Variants in WDR49 observed in about 807,000 individuals in gnomAD.
WDR49 encodes the protein cilia- and flagella-associated protein 337.
A neutral mutation model predicts 119.5 loss-of-function variants in WDR49; 107 were observed. The observed-to-expected ratio is 0.90, with a 90% CI of 0.77 to 1.05. WDR49 has a LOEUF of 1.05. Among genes scored for constraint, WDR49 ranks in the 50% least tolerant of loss-of-function variants. WDR49 has a pLI of 0.00. For missense variants in WDR49, 1,240 were observed against 1,220.5 expected (o/e 1.02, Z -0.24); for synonymous variants, 425 against 418.8 (o/e 1.01, Z -0.18).
intron 5 of WDR49, among the ~76,000 whole-genome samples, chr3:167,608,354 A>C (rs115843042): frequency 6.6e-6 from 1 of 152,346 alleles, no homozygotes; most frequent in African/African-American, 2.4e-5. Context: ...TTACTTCGTC[A>C]TGTGTTTCCC....
chr3:167,481,051 A>T (rs924630702), intron 18 of WDR49, among the ~76,000 whole-genome samples: 3 of 138,700 alleles, frequency 2.2e-5, no homozygotes, highest in Admixed American at 2.1e-4. Flanking sequence ...TCAAGGATTT[A>T]CCACATATTT....
chr3:167,519,360 C>G (rs535670257), intron 16 of WDR49, among the ~76,000 whole-genome samples: 1 of 152,256 alleles, frequency 6.6e-6, no homozygotes, highest in South Asian at 2.1e-4. Context: ...CAGCACTATT[C>G]ACAATAGCCA....
At chr3:167,604,194 G>T in intron 6 of WDR49, 107 bp downstream of exon 6, 1 of 1,283,468 alleles carries the variant, frequency 7.8e-7, no homozygotes. Context: ...TCTCGAGATG[G>T]TCTCTATAGC....
intron 2 of WDR49, among the ~76,000 whole-genome samples, chr3:167,649,626 T>C (rs956304559): frequency 2.0e-5 from 3 of 152,310 alleles, no homozygotes; most frequent in Admixed American, 2.0e-4. Flanking sequence ...ATAAGTGCAT[T>C]GTGTTTAGAT....
chr3:167,553,644 C>A (rs562638581), intron 10 of WDR49, among the ~76,000 whole-genome samples: 1 of 151,998 alleles, frequency 6.6e-6, no homozygotes, highest in Non-Finnish European at 1.5e-5. Flanking sequence ...CTAAGTATAG[C>A]GATCATTAGA....
intron 18 of WDR49, among the ~76,000 whole-genome samples, chr3:167,498,979 T>C (rs1003148053): frequency 1.3e-5 from 2 of 152,316 alleles, no homozygotes; most frequent in African/African-American, 4.8e-5. Flanking sequence ...TGGAGTATCA[T>C]TTTCTGAGCC....
At position 167,522,363 on chromosome 3, in the gene WDR49, G is replaced by C. The variant is rs199917200; in HGVS notation, c.2726C>G (p.Thr909Arg). The C allele has an allele frequency of 7.6e-5, 122 of 1,604,970 alleles. 1 individual carries two copies. Among genetic ancestry groups the C allele is most frequent in the Non-Finnish European group, 9.6e-5 (113 of 1,177,870 alleles). The change falls in exon 16 of 19, where the codon ACA (threonine) becomes AGA (arginine). Residue 909 changes from threonine (T) to arginine (R), a missense_variant. Transcript: ENST00000682715. ...TTTCTTATTAAGTAGAGAATGTTCT[G>C]TTGGGTCTAAACAAGATTCCTCCTT... ...FSKEESCLDP[T>R]EHSLLNKKNK...
At position 167,505,389 on chromosome 3, in the gene WDR49, T is replaced by G; in HGVS notation, c.2802A>C (p.Leu934Phe). Reference sequence around the variant, plus strand: ...TACTTCTTTCCTTATATTTTATATCTAAATTTATATCTTCTGATGGTCTGA... The same window carrying G: ...TACTTCTTTCCTTATATTTTATATCGAAATTTATATCTTCTGATGGTCTGA... ...YNVRPSEDIN[L>F]DIKYKERSTC... Residue 934 changes from leucine (L) to phenylalanine (F), a missense_variant, in exon 17 of 19, where the codon TTA (leucine) becomes TTC (phenylalanine). Transcript: ENST00000682715. The G allele has an allele frequency of 6.6e-7, 1 of 1,525,762 alleles. No homozygotes were observed. Among genetic ancestry groups the G allele is most frequent in the Non-Finnish European group, 8.7e-7 (1 of 1,145,690 alleles). The allele number at this position is 1,525,762 out of a possible 1,614,324, so 94.5% of individuals were successfully genotyped here. A position where few individuals can be genotyped will look rare whatever the true frequency, so the allele number is the denominator to read the frequency against.
At chr3:167,651,085 A>G (rs1305822099) in intron 2 of WDR49, among the ~76,000 whole-genome samples, 1 of 152,190 alleles carries the variant, frequency 6.6e-6, no homozygotes, top group Non-Finnish European at 1.5e-5. Flanking sequence ...ATGGTATGTG[A>G]TATTTTATTC....
intron 5 of WDR49, among the ~76,000 whole-genome samples, chr3:167,616,766 TAC>T (rs1716615221): frequency 6.6e-6 from 1 of 152,028 alleles, no homozygotes; most frequent in Non-Finnish European, 1.5e-5. Context: ...TACACACATA[TAC>T]ACACACCCCA....
chr3:167,510,155 C>T (rs1019190347), intron 16 of WDR49, among the ~76,000 whole-genome samples: 7 of 152,056 alleles, frequency 4.6e-5, no homozygotes, highest in Admixed American at 3.3e-4. Context: ...GAGGCCGAGG[C>T]GGGCAGATCA....
intron 7 of WDR49, among the ~76,000 whole-genome samples, chr3:167,578,412 CA>C (rs1469844451): frequency 6.6e-6 from 1 of 151,864 alleles, no homozygotes; most frequent in Non-Finnish European, 1.5e-5. Flanking sequence ...GATTTTTTTC[CA>C]CAACACTAAA....
At chr3:167,644,500 A>G (rs1718028049) in intron 2 of WDR49, among the ~76,000 whole-genome samples, 1 of 152,156 alleles carries the variant, frequency 6.6e-6, no homozygotes, top group Non-Finnish European at 1.5e-5. Context: ...AATCTTGGGC[A>G]ATCTTACATA....
intron 7 of WDR49, among the ~76,000 whole-genome samples, chr3:167,587,588 T>G (rs913277751): frequency 2.6e-5 from 4 of 152,108 alleles, no homozygotes; most frequent in African/African-American, 9.7e-5. Flanking sequence ...CAGGCTTAGA[T>G]GATTGCCCTA....
At chr3:167,560,655 C>A (rs2108270522) in intron 8 of WDR49, among the ~76,000 whole-genome samples, 1 of 152,242 alleles carries the variant, frequency 6.6e-6, no homozygotes, top group African/African-American at 2.4e-5. Flanking sequence ...GCTCTACCAG[C>A]CATTATGGAA....
rs541129354 is a variant in WDR49 at position 167,478,811 on chromosome 3, A to C, written c.*67T>G. 235 of 1,141,942 alleles carry C rather than the reference A, an allele frequency of 2.1e-4. No homozygotes were observed. Among genetic ancestry groups the C allele is most frequent in the Middle Eastern group, 1.6e-3 (6 of 3,708 alleles). 70.7% of individuals were successfully genotyped at this position (1,141,942 alleles called of 1,614,324 possible). On this transcript the variant is annotated 3_prime_UTR_variant, in exon 19 of 19. Coordinates refer to ENST00000682715, the MANE Select transcript of WDR49 (RefSeq NM_001366157.1). Reference sequence around the variant, plus strand: ...AATATAAAATAAAATAAAAGGCAGAATTCTTGATGCTTTTTCTGCATTTTA... The same window carrying C: ...AATATAAAATAAAATAAAAGGCAGACTTCTTGATGCTTTTTCTGCATTTTA...
At chr3:167,597,098 A>C (rs537412539) in intron 7 of WDR49, among the ~76,000 whole-genome samples, 5 of 152,316 alleles carry the variant, frequency 3.3e-5, no homozygotes, top group Admixed American at 2.0e-4. Context: ...TCTTCGTCAC[A>C]GGCCCAAAGG....
chr3:167,542,040 C>G (rs1213938862), intron 10 of WDR49, among the ~76,000 whole-genome samples: 6 of 151,470 alleles, frequency 4.0e-5, no homozygotes, highest in Non-Finnish European at 1.5e-5. Flanking sequence ...AAAAGACAAA[C>G]AAGAACATTA....
intron 3 of WDR49, among the ~76,000 whole-genome samples, chr3:167,623,723 A>C (rs1716974848): frequency 6.6e-6 from 1 of 152,036 alleles, no homozygotes; most frequent in Non-Finnish European, 1.5e-5. Flanking sequence ...AGAAAATGAA[A>C]TTTTAAAATA....
Sources: gnomAD v4.1 joint callset for allele counts (sites outside exome capture counted in the v4.1 genomes callset) on GRCh38, gnomAD v4.1.1 for gene constraint, MANE v1.5 for transcripts, NCBI Gene and HGNC (gene_info 2026-07-23, HGNC 2026-07-21) for gene names.